WDPCP: variants seen among roughly 807,000 people sequenced by gnomAD.
WDPCP encodes the protein WD repeat containing planar cell polarity effector.
In WDPCP, 71 loss-of-function variants were observed where a neutral mutation model predicts 93.1. The ratio of observed to expected loss-of-function variants is 0.76; its 90% CI spans 0.63 to 0.93. The LOEUF is 0.93. Ranked by LOEUF, WDPCP falls within the 40% of genes least tolerant of loss-of-function variation. The probability of loss-of-function intolerance (pLI) is 0.00; values close to 1 mark genes in which losing one functional copy is unlikely to be tolerated. For missense variants in WDPCP, 844 were observed against 887.4 expected (o/e 0.95, Z 0.62); for synonymous variants, 315 against 315.0 (o/e 1.00, Z 0.00).
At chr2:63,130,880 T>C (rs573590065) in intron 17 of WDPCP, among the ~76,000 whole-genome samples, 3 of 152,292 alleles carry the variant, frequency 2.0e-5, no homozygotes, top group African/African-American at 7.2e-5. Context: ...AGAGTTCTGA[T>C]GTTTGGTACA....
chr2:63,510,200 G>A (rs1173018762), intron 1 of WDPCP, among the ~76,000 whole-genome samples: 1 of 152,110 alleles, frequency 6.6e-6, no homozygotes, highest in African/African-American at 2.4e-5. Flanking sequence ...CTGGCAAACC[G>A]AATCCAGCAG....
At chr2:63,317,287 A>T (rs1686718164) in intron 12 of WDPCP, among the ~76,000 whole-genome samples, 1 of 151,994 alleles carries the variant, frequency 6.6e-6, no homozygotes, top group Admixed American at 6.6e-5. Context: ...GGGCACCTGT[A>T]ATCCCAGCTA....
intron 1 of WDPCP, among the ~76,000 whole-genome samples, chr2:63,575,469 A>ATACACTGTATATACAGTATATATACT (rs760952950): frequency 1.2e-4 from 2 of 16,328 alleles, no homozygotes; most frequent in African/African-American, 2.2e-4. Context: ...GTATATATGC[A>ATACACTGTATATACAGTATATATACT]GTATATACAG....
At chr2:63,606,797 A>T in intron 3 of WDPCP, 1 of 1,303,008 alleles carries the variant, frequency 7.7e-7, no homozygotes, top group Non-Finnish European at 1.1e-6. Flanking sequence ...AAGTTCAAAC[A>T]AGGTTGTTGC....
intron 12 of WDPCP, among the ~76,000 whole-genome samples, chr2:63,357,944 A>T (rs897244040): frequency 6.6e-6 from 1 of 152,210 alleles, no homozygotes; most frequent in Non-Finnish European, 1.5e-5. Flanking sequence ...GAACGAGGTC[A>T]TGTCTTTTGC....
chr2:63,306,654 C>T (rs1685767861), intron 13 of WDPCP, among the ~76,000 whole-genome samples: 1 of 152,144 alleles, frequency 6.6e-6, no homozygotes, highest in South Asian at 2.1e-4. Flanking sequence ...ATGATTATCA[C>T]AATAGATGCA....
At chr2:63,810,337 C>A (rs1173107884) in intron 2 of WDPCP, among the ~76,000 whole-genome samples, 2 of 152,166 alleles carry the variant, frequency 1.3e-5, no homozygotes, top group Admixed American at 6.5e-5. Flanking sequence ...ATAGGACAAC[C>A]TCTTCAAGTT....
chr2:63,783,354 A>T (rs1670423550), intron 2 of WDPCP, among the ~76,000 whole-genome samples: 1 of 152,178 alleles, frequency 6.6e-6, no homozygotes, highest in Admixed American at 6.6e-5. Context: ...CAGGAGTTCA[A>T]GGCTGCAGTG....
intron 12 of WDPCP, among the ~76,000 whole-genome samples, chr2:63,348,936 A>G (rs944157009): frequency 1.3e-5 from 2 of 152,206 alleles, no homozygotes; most frequent in African/African-American, 4.8e-5. Flanking sequence ...AAATAGCAGT[A>G]TAAATTGTGG....
intron 13 of WDPCP, among the ~76,000 whole-genome samples, chr2:63,269,647 A>G (rs1318121197): frequency 6.6e-6 from 1 of 152,194 alleles, no homozygotes; most frequent in Non-Finnish European, 1.5e-5. Flanking sequence ...TGATGTTGTT[A>G]TAACCTTTTC....
intron 3 of WDPCP, 79 bp downstream of exon 3, chr2:63,487,368 G>A: frequency 9.8e-7 from 1 of 1,025,472 alleles, no homozygotes; most frequent in Non-Finnish European, 1.5e-6. Context: ...CTCATGAGAA[G>A]AGAGCTTTTA....
At chr2:63,372,100 C>G (rs185777287) in intron 12 of WDPCP, among the ~76,000 whole-genome samples, 1 of 152,122 alleles carries the variant, frequency 6.6e-6, no homozygotes, top group East Asian at 1.9e-4. Flanking sequence ...TCACTCATGG[C>G]GGAAGGCAAA....
chr2:63,751,924 C>A (rs1575764528), intron 2 of WDPCP: 11 of 678,714 alleles, frequency 1.6e-5, no homozygotes, highest in South Asian at 1.5e-4. Context: ...GCCATCCCCA[C>A]TGCCACCATA....
chr2:63,706,743 A>G (rs1299002687), intron 2 of WDPCP, among the ~76,000 whole-genome samples: 1 of 149,740 alleles, frequency 6.7e-6, no homozygotes, highest in Non-Finnish European at 1.5e-5. Flanking sequence ...CAGCCTCCCG[A>G]GTAGCTGGGA....
intron 3 of WDPCP, among the ~76,000 whole-genome samples, chr2:63,639,766 C>T (rs933294876): frequency 2.6e-5 from 4 of 152,022 alleles, no homozygotes; most frequent in Admixed American, 6.5e-5. Flanking sequence ...TTACTACAAA[C>T]GTAACAAAAT....
At chr2:63,636,129 T>G (rs1386300766) in intron 3 of WDPCP, among the ~76,000 whole-genome samples, 1 of 152,182 alleles carries the variant, frequency 6.6e-6, no homozygotes, top group East Asian at 1.9e-4. Context: ...AAAAAATTAA[T>G]GTATTTGGGA....
At chr2:63,489,704 A>ATCCT in intron 2 of WDPCP, among the ~76,000 whole-genome samples, 1 of 152,162 alleles carries the variant, frequency 6.6e-6, no homozygotes, top group East Asian at 1.9e-4. Context: ...AAACATCAAA[A>ATCCT]TACATAATGA....
chr2:63,370,885 G>T (rs1280192827), intron 12 of WDPCP, among the ~76,000 whole-genome samples: 1 of 150,532 alleles, frequency 6.6e-6, no homozygotes, highest in Non-Finnish European at 1.5e-5. Flanking sequence ...TATAATTTTG[G>T]TTTTTGTTAC....
At chr2:63,361,234 G>C (rs1394104886) in intron 12 of WDPCP, among the ~76,000 whole-genome samples, 1 of 152,188 alleles carries the variant, frequency 6.6e-6, no homozygotes, top group Non-Finnish European at 1.5e-5. Context: ...GGAGGGACTA[G>C]ATGAGAATAT....
Sources: gnomAD v4.1 joint callset for allele counts (sites outside exome capture counted in the v4.1 genomes callset) on GRCh38, gnomAD v4.1.1 for gene constraint, MANE v1.5 for transcripts, NCBI Gene and HGNC (gene_info 2026-07-23, HGNC 2026-07-21) for gene names.